Variants in PPARD observed in about 807,000 individuals in gnomAD.
PPARD encodes peroxisome proliferator activated receptor delta.
PPARD carries 6 observed loss-of-function variants against 39.5 expected under a neutral mutation model. The ratio of observed to expected loss-of-function variants is 0.15; its 90% CI spans 0.08 to 0.30. PPARD has a LOEUF of 0.30. Among genes scored for constraint, PPARD ranks in the 10% least tolerant of loss-of-function variants. The pLI is 1.00. For synonymous variants in PPARD, 210 were observed against 231.3 expected (o/e 0.91, Z 0.83); for missense variants, 397 against 596.8 (o/e 0.67, Z 3.49).
chr6:35,362,846 T>C (rs1761999661), intron 2 of PPARD, among the ~76,000 whole-genome samples: 1 of 152,202 alleles, frequency 6.6e-6, no homozygotes, highest in Non-Finnish European at 1.5e-5. Flanking sequence ...CTGGCCCCAC[T>C]CTTTCCATGA....
rs138586551 is a variant in PPARD, at chr6:35,364,656, C to G, written c.-102+17506C>G. Among the ~76,000 whole-genome samples, 784 of 151,282 alleles carry G rather than the reference C, an allele frequency of 5.2e-3. 5 individuals carry two copies. The highest frequency in any genetic ancestry group is 0.015 in the African/African-American group (616 of 41,178). On this transcript the variant is annotated intron_variant, in intron 2 of 7. Transcript: ENST00000360694. ...GTTTCACCGTGTTGGCCAGACTGGT[C>G]TCAAACTCCTGACCTCAGGCAATCT...
intron 2 of PPARD, among the ~76,000 whole-genome samples, chr6:35,408,432 TG>T (rs1765200083): frequency 6.6e-6 from 1 of 152,180 alleles, no homozygotes; most frequent in Non-Finnish European, 1.5e-5. Context: ...AGCTGCCACT[TG>T]GAGAAAGCCA....
At chr6:35,368,188 A>G (rs1186131105) in intron 2 of PPARD, among the ~76,000 whole-genome samples, 2 of 152,214 alleles carry the variant, frequency 1.3e-5, no homozygotes, top group Admixed American at 1.3e-4. Context: ...ATCCAAGATC[A>G]CTGTGTCTTA....
At chr6:35,358,776 C>T (rs1436916303) in intron 2 of PPARD, among the ~76,000 whole-genome samples, 1 of 152,188 alleles carries the variant, frequency 6.6e-6, no homozygotes, top group Non-Finnish European at 1.5e-5. Flanking sequence ...GATTCTAATT[C>T]CATCTTCCCC....
In PPARD at chr6:35,373,673, C is replaced by CTT. The variant is rs11321563; in HGVS notation, c.-102+26534_-102+26535dup. 4.2e-3 allele frequency among the ~76,000 whole-genome samples: 606 copies of CTT among 145,400 alleles called. 5 individuals are homozygous for CTT. The highest frequency in any genetic ancestry group is 7.0e-3 in the Non-Finnish European group (469 of 66,628). The stretch of plus-strand genomic sequence containing the variant: ...TCTTTCTTTCTTTGTTTCTTTCTTT[C>CTT]TTTTTTTTTTTTGAGACAAAGTCTC... On this transcript the variant is annotated intron_variant, in intron 2 of 7. Coordinates refer to ENST00000360694, the MANE Select transcript of PPARD (RefSeq NM_006238.5).
intron 2 of PPARD, among the ~76,000 whole-genome samples, chr6:35,376,405 C>T (rs1203750646): frequency 6.6e-6 from 1 of 151,818 alleles, no homozygotes; most frequent in Non-Finnish European, 1.5e-5. Flanking sequence ...TTCTTTGAGA[C>T]TGTCTTATTT....
intron 2 of PPARD, among the ~76,000 whole-genome samples, chr6:35,379,707 C>T (rs1763032210): frequency 6.6e-6 from 1 of 152,226 alleles, no homozygotes; most frequent in Non-Finnish European, 1.5e-5. Flanking sequence ...AGGAGCTGTT[C>T]TCTTTCTGAG....
chr6:35,347,019 C>T, intron 1 of PPARD, 48 bp from the exon 2 acceptor site: 1 of 1,239,904 alleles, frequency 8.1e-7, no homozygotes, highest in East Asian at 2.6e-5. Context: ...CTTTGAGGGC[C>T]CCTGGCACCT....
rs201884567 is a variant in PPARD at position 35,423,968 on chromosome 6, G to A, written c.447G>A (p.Pro149=). 2.3e-5 allele frequency: 37 copies of A among 1,614,162 alleles called. No individual in the cohort carries two copies. The East Asian group carries it at 3.8e-4, about 17-fold the overall frequency. Residue 149 remains proline, a synonymous_variant, in exon 6 of 8, where the codon CCG becomes CCA. Coordinates refer to ENST00000360694, the MANE Select transcript of PPARD (RefSeq NM_006238.5). Reference sequence around the variant, plus strand: ...CAGCTATCCGTTTTGGTCGGATGCCGGAGGCTGAGAAGAGGAAGCTGGTGG... The same window carrying A: ...CAGCTATCCGTTTTGGTCGGATGCCAGAGGCTGAGAAGAGGAAGCTGGTGG... ...SHNAIRFGRM[P]EAEKRKLVAG... is the part of the protein sequence containing the mutation.
intron 2 of PPARD, among the ~76,000 whole-genome samples, chr6:35,358,904 G>C (rs991550938): frequency 3.9e-5 from 6 of 152,212 alleles, no homozygotes; most frequent in Non-Finnish European, 8.8e-5. Flanking sequence ...TAACTGAGGT[G>C]GGGGAAGTGG....
intron 2 of PPARD, among the ~76,000 whole-genome samples, chr6:35,388,337 G>T (rs1245677996): frequency 6.6e-6 from 1 of 152,162 alleles, no homozygotes; most frequent in Non-Finnish European, 1.5e-5. Context: ...CTGCAGAGGA[G>T]CCTGGTGGGC....
intron 2 of PPARD, among the ~76,000 whole-genome samples, chr6:35,352,102 C>G (rs192751423): frequency 6.6e-6 from 1 of 152,002 alleles, no homozygotes; most frequent in Non-Finnish European, 1.5e-5. Flanking sequence ...CTCCTGAGCT[C>G]GAGCCATTCA....
intron 2 of PPARD, among the ~76,000 whole-genome samples, chr6:35,404,156 A>G (rs1230284842): frequency 6.6e-6 from 1 of 152,190 alleles, no homozygotes; most frequent in Non-Finnish European, 1.5e-5. Context: ...AGCACCATAT[A>G]TGAGGCACAC....
At chr6:35,389,339 C>CT (rs1173822488) in intron 2 of PPARD, among the ~76,000 whole-genome samples, 1 of 151,904 alleles carries the variant, frequency 6.6e-6, no homozygotes, top group Non-Finnish European at 1.5e-5. Context: ...GAGATGGAGT[C>CT]TTGCTCTTGT....
At chr6:35,396,350 G>T (rs1373662242) in intron 2 of PPARD, among the ~76,000 whole-genome samples, 1 of 150,974 alleles carries the variant, frequency 6.6e-6, no homozygotes, top group Non-Finnish European at 1.5e-5. Flanking sequence ...GACTATAGGC[G>T]CCCGCCACCA....
chr6:35,379,879 A>G (rs1172442135), intron 2 of PPARD, among the ~76,000 whole-genome samples: 1 of 152,218 alleles, frequency 6.6e-6, no homozygotes, highest in Non-Finnish European at 1.5e-5. Flanking sequence ...TCTCCAAATT[A>G]TGATAGATTA....
intron 2 of PPARD, among the ~76,000 whole-genome samples, chr6:35,384,966 G>A (rs1456902282): frequency 1.5e-5 from 2 of 136,914 alleles, no homozygotes; most frequent in Non-Finnish European, 3.1e-5. Context: ...GGAGGTGGGG[G>A]GGTCAGCCCC....
At position 35,425,691 on chromosome 6, in the gene PPARD, G is replaced by A. The variant is rs780438650; in HGVS notation, c.1079-141G>A. 7.8e-7 allele frequency: 1 copy of A among 1,279,296 alleles called. No individual in the cohort carries two copies. The allele number at this position is 1,279,296 out of a possible 1,614,324, so 79.2% of individuals were successfully genotyped here. A position where few individuals can be genotyped will look rare whatever the true frequency, so the allele number is the denominator to read the frequency against. On this transcript the variant is annotated intron_variant, in intron 7 of 7. Coordinates refer to ENST00000360694, the MANE Select transcript of PPARD (RefSeq NM_006238.5). This position sits in a 1 kb window ranked among gnomAD's most constrained non-coding sequence, Gnocchi z 4.5. ...GGGTAGGGAGATTAGAACACCCAGT[G>A]GAGCATTGCTGATGGGACAGGGCTT...
chr6:35,390,710 A>G (rs1486479889), intron 2 of PPARD, among the ~76,000 whole-genome samples: 1 of 152,056 alleles, frequency 6.6e-6, no homozygotes, highest in Non-Finnish European at 1.5e-5. Flanking sequence ...AGAAAAAAAG[A>G]TGTAACATTA....
Sources: allele counts gnomAD v4.1 joint callset (sites outside exome capture counted in the v4.1 genomes callset), GRCh38; gene constraint gnomAD v4.1.1; non-coding constraint Gnocchi (gnomAD v3.1); transcripts MANE v1.5; gene names NCBI Gene and HGNC (gene_info 2026-07-23, HGNC 2026-07-21).